The following C1orf185 variants were observed in gnomAD, a reference collection of about 807,000 sequenced individuals.
C1orf185 encodes the protein uncharacterized protein C1orf185.
A neutral mutation model predicts 16.1 loss-of-function variants in C1orf185; 13 were observed. The observed-to-expected ratio is 0.81, with a 90% confidence interval of 0.53 to 1.28. C1orf185 has a LOEUF of 1.28. Ranked by LOEUF, C1orf185 falls within the 50% of genes most tolerant of loss-of-function variation. The probability of loss-of-function intolerance (pLI) is 0.00; values close to 1 mark genes in which losing one functional copy is unlikely to be tolerated. For synonymous variants in C1orf185, 80 were observed against 76.9 expected, an observed-to-expected ratio of 1.04 and a Z score of -0.21; for missense variants, 220 against 225.2, an observed-to-expected ratio of 0.98 and a Z score of 0.15.
chr1:51,112,926 T>C (rs1388253155), intron 2 of C1orf185, among the ~76,000 whole-genome samples: 1 of 151,910 alleles, frequency 6.6e-6, no homozygotes, highest in African/African-American at 2.4e-5. Flanking sequence ...TTCAAGCGAT[T>C]CTCCTGACTC....
At chr1:51,115,319 C>A (rs1316521112) in intron 2 of C1orf185, among the ~76,000 whole-genome samples, 1 of 152,168 alleles carries the variant, frequency 6.6e-6, no homozygotes, top group Non-Finnish European at 1.5e-5. Context: ...GCCTGGGCAA[C>A]AGAACAAGAC....
At chr1:51,143,260 C>T (rs751884620) in intron 3 of C1orf185, among the ~76,000 whole-genome samples, 2 of 152,192 alleles carry the variant, frequency 1.3e-5, no homozygotes, top group Non-Finnish European at 2.9e-5. Context: ...AAATTACTTG[C>T]GCCTGAGTAA....
At chr1:51,142,714 A>T (rs1646373268) in intron 3 of C1orf185, among the ~76,000 whole-genome samples, 1 of 151,980 alleles carries the variant, frequency 6.6e-6, no homozygotes, top group South Asian at 2.1e-4. Flanking sequence ...TATTTATTTA[A>T]TGTATCTGGT....
intron 4 of C1orf185, among the ~76,000 whole-genome samples, chr1:51,146,962 T>G (rs1316474369): frequency 1.3e-5 from 2 of 152,144 alleles, no homozygotes; most frequent in African/African-American, 2.4e-5. Flanking sequence ...TATTTTAAAG[T>G]GAAACAAATT....
chr1:51,108,686 T>C (rs1266400969), intron 1 of C1orf185, among the ~76,000 whole-genome samples: 6 of 152,352 alleles, frequency 3.9e-5, no homozygotes, highest in Admixed American at 2.0e-4. Flanking sequence ...AATTTTTGTC[T>C]TTCTGTTCCT....
chr1:51,110,000 A>G (rs1012083919), intron 1 of C1orf185, among the ~76,000 whole-genome samples: 2 of 152,166 alleles, frequency 1.3e-5, no homozygotes, highest in Non-Finnish European at 2.9e-5. Flanking sequence ...TTTAACATCT[A>G]TACTTAACTG....
At chr1:51,142,768 G>T (rs957815455) in intron 3 of C1orf185, among the ~76,000 whole-genome samples, 14 of 151,754 alleles carry the variant, frequency 9.2e-5, no homozygotes, top group African/African-American at 3.4e-4. Context: ...ATTATTTTTT[G>T]GTTTTGTTTT....
rs367808687 is a variant in C1orf185, at chr1:51,103,410, A to AACACACACACACACAC, written c.16+1185_16+1200dup. Among the ~76,000 whole-genome samples the AACACACACACACACAC allele has an allele frequency of 7.3e-3, 944 of 128,872 alleles. 11 individuals carry two copies. The highest frequency in any genetic ancestry group is 0.017 in the Middle Eastern group (4 of 240). The allele number at this position is 128,872 out of a possible 152,430, so 84.5% of individuals were successfully genotyped here. The stretch of plus-strand genomic sequence containing the variant: ...AACAGAGTGAGATCTTGTCTCGAAA[A>AACACACACACACACAC]ACACACACACACACACACACACACA... On this transcript the variant is annotated intron_variant, in intron 1 of 4. Coordinates refer to ENST00000371759, the MANE Select transcript of C1orf185 (RefSeq NM_001136508.2).
downstream of C1orf185, among the ~76,000 whole-genome samples, chr1:51,152,263 C>G (rs1255073577): frequency 6.6e-6 from 1 of 152,214 alleles, no homozygotes; most frequent in Non-Finnish European, 1.5e-5. Flanking sequence ...CCAGAATCCA[C>G]TGGCCTCTCT....
At chr1:51,120,556 A>G (rs186091874) in intron 3 of C1orf185, among the ~76,000 whole-genome samples, 2 of 152,344 alleles carry the variant, frequency 1.3e-5, no homozygotes, top group South Asian at 2.1e-4. Context: ...GTAAACATCA[A>G]ATTGATTCTA....
intron 2 of C1orf185, among the ~76,000 whole-genome samples, chr1:51,114,689 C>T (rs1646145396): frequency 6.6e-6 from 1 of 152,172 alleles, no homozygotes; most frequent in African/African-American, 2.4e-5. Flanking sequence ...CACCACTGCA[C>T]TCCAGCCTGG....
intron 3 of C1orf185, 73 bp from the exon 4 acceptor site, chr1:51,145,651 A>G: frequency 1.2e-6 from 1 of 825,680 alleles, no homozygotes; most frequent in Non-Finnish European, 1.8e-6. Context: ...TATTACTCTC[A>G]TATAAAATAT....
intron 3 of C1orf185, among the ~76,000 whole-genome samples, chr1:51,136,555 C>T (rs563550776): frequency 1.1e-4 from 16 of 152,102 alleles, no homozygotes; most frequent in South Asian, 2.1e-4. Flanking sequence ...CAAAAACAGA[C>T]GCATAGATCA....
At position 51,113,096 on chromosome 1, in the gene C1orf185, G is replaced by A. The variant is rs1646133225; in HGVS notation, c.122+527G>A. On this transcript the variant is annotated intron_variant, in intron 2 of 4. Transcript: ENST00000371759. Reference sequence around the variant, plus strand: ...GGCCTCCCAAAGTGCTGGGATTACAGGCATGAGCCACCACACCCGGCCTTT... The same window carrying A: ...GGCCTCCCAAAGTGCTGGGATTACAAGCATGAGCCACCACACCCGGCCTTT... 2.0e-5 allele frequency among the ~76,000 whole-genome samples: 3 copies of A among 151,904 alleles called. No individual in the cohort carries two copies. In the South Asian group the frequency reaches 6.2e-4, roughly 32 times the overall value.
chr1:51,112,659 A>G (rs1047679934), intron 2 of C1orf185, 90 bp downstream of exon 2: 3 of 1,165,172 alleles, frequency 2.6e-6, no homozygotes, highest in East Asian at 5.3e-5. Context: ...TTAAATAACT[A>G]TGATAGTATT....
chr1:51,114,077 T>G (rs1397935472), intron 2 of C1orf185, among the ~76,000 whole-genome samples: 1 of 152,218 alleles, frequency 6.6e-6, no homozygotes, highest in Non-Finnish European at 1.5e-5. Flanking sequence ...AGGAAGACTT[T>G]GTGCAAGAGC....
At chr1:51,124,274 G>T (rs113659421) in intron 3 of C1orf185, among the ~76,000 whole-genome samples, 6,696 of 152,128 alleles carry the variant, frequency 0.044, 436 homozygotes, top group African/African-American at 0.13. Context: ...TGGAGACAGG[G>T]TTTCGCCATG....
chr1:51,135,310 C>T (rs1343325100), intron 3 of C1orf185, among the ~76,000 whole-genome samples: 4 of 152,120 alleles, frequency 2.6e-5, no homozygotes, highest in African/African-American at 7.2e-5. Flanking sequence ...GAGGCCAAGG[C>T]GGGCAGATCA....
intron 1 of C1orf185, among the ~76,000 whole-genome samples, chr1:51,102,698 C>T (rs1324296610): frequency 6.6e-6 from 1 of 151,502 alleles, no homozygotes; most frequent in Non-Finnish European, 1.5e-5. Flanking sequence ...TTTTATTAGT[C>T]TTTACCAAGA....
Sources: allele counts gnomAD v4.1 joint callset (sites outside exome capture counted in the v4.1 genomes callset), GRCh38; gene constraint gnomAD v4.1.1; transcripts MANE v1.5; gene names NCBI Gene and HGNC (gene_info 2026-07-23, HGNC 2026-07-21).